The following PEX7 variants were observed in gnomAD, a reference collection of about 807,000 sequenced individuals.
PEX7 encodes the protein PTS2 receptor.
A neutral mutation model predicts 47.5 loss-of-function variants in PEX7; 34 were observed. The observed-to-expected ratio is 0.72, with a 90% CI of 0.54 to 0.95. The LOEUF is 0.95. Among genes scored for constraint, PEX7 ranks in the 40% least tolerant of loss-of-function variants. The pLI, the probability that PEX7 is intolerant of heterozygous loss-of-function variation, is 0.00. For missense variants in PEX7, 394 were observed against 400.3 expected (o/e 0.98, Z 0.13); for synonymous variants, 141 against 148.8 (o/e 0.95, Z 0.38).
intron 9 of PEX7, among the ~76,000 whole-genome samples, chr6:136,906,350 A>G (rs1775844785): frequency 1.3e-5 from 2 of 152,232 alleles, no homozygotes; most frequent in Admixed American, 6.5e-5. Flanking sequence ...CTTTAAACCT[A>G]TTAAAAATAA....
intron 8 of PEX7, among the ~76,000 whole-genome samples, chr6:136,885,671 A>C (rs1466619175): frequency 3.3e-5 from 5 of 152,228 alleles, no homozygotes; most frequent in African/African-American, 1.2e-4. Flanking sequence ...AGGCTTGGAG[A>C]CAAGTAGTAA....
At chr6:136,892,212 T>C (rs1775567802) in intron 8 of PEX7, among the ~76,000 whole-genome samples, 2 of 152,232 alleles carry the variant, frequency 1.3e-5, no homozygotes, top group African/African-American at 4.8e-5. Flanking sequence ...TTATTGTAAG[T>C]GGCTGACTAA....
chr6:136,856,119 C>T (rs75245042), intron 5 of PEX7, among the ~76,000 whole-genome samples: 315 of 152,206 alleles, frequency 2.1e-3, no homozygotes, highest in African/African-American at 7.0e-3. Context: ...CAACACTTCA[C>T]TTTTCAAACT....
At chr6:136,835,608 T>C (rs758603320) in intron 3 of PEX7, among the ~76,000 whole-genome samples, 1 of 152,148 alleles carries the variant, frequency 6.6e-6, no homozygotes, top group Non-Finnish European at 1.5e-5. Context: ...AATATCTTCA[T>C]GCCCAGGTCA....
At chr6:136,875,977 T>C (rs886960725) in intron 8 of PEX7, among the ~76,000 whole-genome samples, 20 of 152,172 alleles carry the variant, frequency 1.3e-4, no homozygotes, top group African/African-American at 4.8e-4. Context: ...CTGTGTTTAC[T>C]TTCCAGATAT....
intron 8 of PEX7, among the ~76,000 whole-genome samples, chr6:136,872,787 T>G (rs113495561): frequency 7.7e-4 from 117 of 152,312 alleles, no homozygotes; most frequent in Non-Finnish European, 1.3e-3. Flanking sequence ...AGAGGATTTA[T>G]TTTCCCTTTC....
chr6:136,862,035 TATATATATTATATA>T, intron 5 of PEX7, among the ~76,000 whole-genome samples: 1 of 131,900 alleles, frequency 7.6e-6, no homozygotes, highest in African/African-American at 2.9e-5. Flanking sequence ...ATATATATTT[TATATATATTATATA>T]TATATATATT....
chr6:136,905,494 A>G (rs957533721), intron 9 of PEX7, among the ~76,000 whole-genome samples: 1 of 152,224 alleles, frequency 6.6e-6, no homozygotes, highest in East Asian at 1.9e-4. Flanking sequence ...AGTTAAGCCC[A>G]AAAAGGTCAC....
chr6:136,894,194 C>G (rs1361018065), intron 8 of PEX7, among the ~76,000 whole-genome samples: 1 of 152,186 alleles, frequency 6.6e-6, no homozygotes, highest in Non-Finnish European at 1.5e-5. Flanking sequence ...AACGGTGTCT[C>G]ATGCCTGTAA....
chr6:136,827,059 T>C (rs544380198), intron 3 of PEX7, among the ~76,000 whole-genome samples: 2 of 152,366 alleles, frequency 1.3e-5, no homozygotes, highest in African/African-American at 4.8e-5. Flanking sequence ...ATCCTCTTTT[T>C]GTGTTTTTAC....
At chr6:136,880,712 C>T (rs956982732) in intron 8 of PEX7, among the ~76,000 whole-genome samples, 4 of 152,232 alleles carry the variant, frequency 2.6e-5, no homozygotes, top group East Asian at 1.9e-4. Context: ...AGACTCTCCT[C>T]TCTCCTCACT....
At chr6:136,903,414 A>G (rs1775788138) in intron 9 of PEX7, among the ~76,000 whole-genome samples, 1 of 147,340 alleles carries the variant, frequency 6.8e-6, no homozygotes, top group Admixed American at 6.9e-5. Flanking sequence ...GAGCTCAAGC[A>G]GTCCTCCTGC....
At chr6:136,882,666 T>G (rs553627120) in intron 8 of PEX7, among the ~76,000 whole-genome samples, 35 of 152,290 alleles carry the variant, frequency 2.3e-4, no homozygotes, top group Admixed American at 1.1e-3. Context: ...TTTAGATCCC[T>G]TAGACATGTG....
At chr6:136,881,572 A>G (rs1475583971) in intron 8 of PEX7, among the ~76,000 whole-genome samples, 1 of 152,182 alleles carries the variant, frequency 6.6e-6, no homozygotes, top group Non-Finnish European at 1.5e-5. Flanking sequence ...TCTAATGACT[A>G]CTGAGACTTT....
intron 9 of PEX7, among the ~76,000 whole-genome samples, chr6:136,911,393 A>C (rs1025840414): frequency 6.6e-6 from 1 of 151,870 alleles, no homozygotes; most frequent in Non-Finnish European, 1.5e-5. Context: ...TTCTTTTGTT[A>C]GTGGGTATTT....
intron 9 of PEX7, among the ~76,000 whole-genome samples, chr6:136,905,492 C>T (rs1477668752): frequency 6.6e-6 from 1 of 152,100 alleles, no homozygotes; most frequent in Non-Finnish European, 1.5e-5. Flanking sequence ...GAAGTTAAGC[C>T]CAAAAAGGTC....
intron 5 of PEX7, among the ~76,000 whole-genome samples, chr6:136,846,666 C>T (rs1774609273): frequency 6.6e-6 from 1 of 152,190 alleles, no homozygotes; most frequent in Admixed American, 6.5e-5. Context: ...CTACAAAGGA[C>T]ATGAACTCAT....
intron 7 of PEX7, among the ~76,000 whole-genome samples, chr6:136,871,445 G>A (rs928749917): frequency 2.6e-5 from 4 of 152,034 alleles, no homozygotes; most frequent in Non-Finnish European, 5.9e-5. Flanking sequence ...TTTTGATAAC[G>A]TGATTATAGC....
chr6:136,847,703 G>C (rs554079435), intron 5 of PEX7, among the ~76,000 whole-genome samples: 1 of 152,050 alleles, frequency 6.6e-6, no homozygotes, highest in Non-Finnish European at 1.5e-5. Flanking sequence ...CATTGGTCTA[G>C]ATCTCTGTTT....
Sources: allele counts gnomAD v4.1 joint callset (sites outside exome capture counted in the v4.1 genomes callset), GRCh38; gene constraint gnomAD v4.1.1; transcripts MANE v1.5; gene names NCBI Gene and HGNC (gene_info 2026-07-23, HGNC 2026-07-21).